PRKCZ: variants seen among roughly 807,000 people sequenced by gnomAD.
PRKCZ encodes protein kinase C zeta type.
A neutral mutation model predicts 79.5 loss-of-function variants in PRKCZ; 33 were observed. That is an observed-to-expected ratio of 0.41 (90% CI 0.31 to 0.55). The LOEUF (loss-of-function observed/expected upper bound fraction) is 0.55. PRKCZ is among the 20% of genes least tolerant of loss of function. The pLI is 0.19. For missense variants in PRKCZ, 578 were observed against 813.5 expected (o/e 0.71, Z 3.52); for synonymous variants, 342 against 320.9 (o/e 1.07, Z -0.70).
At chr1:2,084,356 T>C (rs1195854080) in intron 4 of PRKCZ, among the ~76,000 whole-genome samples, 22 of 152,134 alleles carry the variant, frequency 1.4e-4, no homozygotes, top group Admixed American at 1.4e-3. Context: ...AGGGCGAGTG[T>C]GAAGAAGGCA....
chr1:2,109,878 C>G (rs944761821), intron 4 of PRKCZ, among the ~76,000 whole-genome samples: 1 of 152,186 alleles, frequency 6.6e-6, no homozygotes, highest in African/African-American at 2.4e-5. Context: ...AGGGCCAGGG[C>G]AGTGGGGTGG....
chr1:2,073,546 G>T (rs764245275), intron 4 of PRKCZ: 4 of 865,422 alleles, frequency 4.6e-6, no homozygotes, highest in South Asian at 5.3e-5. Flanking sequence ...TCCGAGCCCT[G>T]CCTGGGTCTG....
chr1:2,093,401 C>T (rs1053969917), intron 4 of PRKCZ, among the ~76,000 whole-genome samples: 4 of 152,142 alleles, frequency 2.6e-5, no homozygotes, highest in African/African-American at 4.8e-5. Context: ...GGGGTGCTTG[C>T]CTTTTTCTGC....
rs7526092 is a variant in PRKCZ, at chr1:2,100,585, G to A, written c.335-34677G>A. ...GGTACCTTGCAAGTTTGCACAGAAAGTGGAGCCCGTCTGTTCCTTCTGGGG... is the reference window on the plus strand; with the variant it reads ...GGTACCTTGCAAGTTTGCACAGAAAATGGAGCCCGTCTGTTCCTTCTGGGG... On this transcript the variant is annotated intron_variant, in intron 4 of 17. Coordinates refer to ENST00000378567, the MANE Select transcript of PRKCZ (RefSeq NM_002744.6). Among the ~76,000 whole-genome samples the A allele has an allele frequency of 3.2e-3, 492 of 152,362 alleles. 1 individual carries two copies. Among genetic ancestry groups the A allele is most frequent in the African/African-American group, 0.011 (466 of 41,584 alleles).
At position 2,149,036 on chromosome 1, in the gene PRKCZ, G is replaced by C; in HGVS notation, c.687+112G>C. On this transcript the variant is annotated intron_variant, in intron 8 of 17. Transcript: ENST00000378567. The surrounding 1 kb of genome is among the most constrained non-coding windows in gnomAD (Gnocchi z 4.1). Reference sequence around the variant, plus strand: ...ATGTGAAATAGACATGGTCCGGGGTGTTGCTAACTAATCTTCACGGGTGTG... The same window carrying C: ...ATGTGAAATAGACATGGTCCGGGGTCTTGCTAACTAATCTTCACGGGTGTG... 8.4e-7 allele frequency: 1 copy of C among 1,187,808 alleles called. No homozygotes were observed. Among genetic ancestry groups the C allele is most frequent in the Non-Finnish European group, 1.2e-6 (1 of 815,398 alleles). The allele number at this position is 1,187,808 out of a possible 1,614,324, so 73.6% of individuals were successfully genotyped here.
intron 1 of PRKCZ, among the ~76,000 whole-genome samples, chr1:2,053,116 T>G (rs1024794132): frequency 1.4e-5 from 1 of 73,978 alleles, no homozygotes; most frequent in African/African-American, 3.7e-5. Flanking sequence ...CAGCTCAGAC[T>G]TTTTTTTTTT....
At chr1:2,119,331 C>T (rs1319611037) in intron 4 of PRKCZ, among the ~76,000 whole-genome samples, 4 of 151,052 alleles carry the variant, frequency 2.6e-5, no homozygotes, top group Non-Finnish European at 5.9e-5. Context: ...TCTGCTGCCT[C>T]AGCCTCCTGA....
intron 4 of PRKCZ, among the ~76,000 whole-genome samples, chr1:2,087,910 A>T (rs1664814272): frequency 6.6e-6 from 1 of 152,110 alleles, no homozygotes; most frequent in Non-Finnish European, 1.5e-5. Context: ...CACTGCCTGC[A>T]CCCGGGGAGG....
chr1:2,060,872 C>A (rs1660612537), intron 4 of PRKCZ, among the ~76,000 whole-genome samples: 1 of 152,184 alleles, frequency 6.6e-6, no homozygotes, highest in South Asian at 2.1e-4. Context: ...GGGCCCTGAT[C>A]ACCTACGCAG....
At chr1:2,050,030 C>T (rs1006797440), upstream of PRKCZ, 4 of 152,352 alleles carry the variant, frequency 2.6e-5, no homozygotes, top group Non-Finnish European at 4.4e-5. Context: ...CAGGGGACCC[C>T]TGGACGGCGG....
intron 4 of PRKCZ, among the ~76,000 whole-genome samples, chr1:2,111,102 C>T (rs1307372950): frequency 6.6e-6 from 1 of 151,880 alleles, no homozygotes. Context: ...CCTGCTGCAC[C>T]CATGGGTATT....
At chr1:2,155,301 A>C (rs1285068118) in intron 9 of PRKCZ, among the ~76,000 whole-genome samples, 1 of 151,350 alleles carries the variant, frequency 6.6e-6, no homozygotes, top group Non-Finnish European at 1.5e-5. Flanking sequence ...AGTGGTGATG[A>C]CAATGGTGGT....
At chr1:2,182,973 C>T (rs1401815313) in intron 16 of PRKCZ, 1 of 152,312 alleles carries the variant, frequency 6.6e-6, no homozygotes, top group Non-Finnish European at 1.5e-5. Context: ...CGCCTGTAAT[C>T]CCAGCACTTT....
intron 4 of PRKCZ, among the ~76,000 whole-genome samples, chr1:2,076,694 A>AT (rs1662480286): frequency 6.6e-6 from 1 of 151,078 alleles, no homozygotes; most frequent in Non-Finnish European, 1.5e-5. Flanking sequence ...GTGAGTCAAG[A>AT]TTGCGCCACC....
In PRKCZ at chr1:2,175,208, G is replaced by C. The variant is rs1015122924; in HGVS notation, c.1486-16G>C. On this transcript the variant is annotated splice_polypyrimidine_tract_variant and intron_variant, in intron 15 of 17. Transcript: ENST00000378567. ...GGATGGGGCTGACTTGTCCTTGTTT[G>C]AACTCTGACCTCCAGGACCCCAAAG... The C allele has an allele frequency of 3.1e-6, 5 of 1,611,158 alleles. No individual in the cohort carries two copies. Among genetic ancestry groups the C allele is most frequent in the South Asian group, 2.2e-5 (2 of 90,996 alleles).
intron 4 of PRKCZ, among the ~76,000 whole-genome samples, chr1:2,107,643 G>A (rs373632774): frequency 2.0e-5 from 3 of 152,212 alleles, no homozygotes; most frequent in African/African-American, 7.2e-5. Flanking sequence ...TGAGCCCTGC[G>A]AGGTGCAGGC....
chr1:2,133,295 C>T (rs1675367788), intron 4 of PRKCZ, among the ~76,000 whole-genome samples: 1 of 150,330 alleles, frequency 6.7e-6, no homozygotes, highest in Non-Finnish European at 1.5e-5. Flanking sequence ...GACCGCCCTG[C>T]GGCTCCGCCC....
intron 6 of PRKCZ, chr1:2,144,805 G>A (rs190186766): frequency 1.1e-4 from 26 of 232,716 alleles, no homozygotes; most frequent in Admixed American, 4.3e-4. Context: ...CCATCCCCGA[G>A]TGCTTGGACT....
At position 2,173,944 on chromosome 1, in the gene PRKCZ, A is replaced by G. The variant is rs775342510; in HGVS notation, c.1333A>G (p.Met445Val). 3 of 1,612,648 alleles carry G rather than the reference A, an allele frequency of 1.9e-6. No individual in the cohort carries two copies. Among genetic ancestry groups the G allele is most frequent in the East Asian group, 2.2e-5 (1 of 44,738 alleles). Residue 445 changes from methionine (M) to valine (V), a missense_variant, in exon 14 of 18, where the codon ATG (methionine) becomes GTG (valine). Around this residue, in one of 4 missense-constraint regions of PRKCZ, gnomAD observed 243 missense variants for 467.0 expected, o/e 0.52. Transcript: ENST00000378567. This position sits in a 1 kb window ranked among gnomAD's most constrained non-coding sequence, Gnocchi z 5.7. The part of the protein sequence containing the change: ...WALGVLMFEM[M>V]AGRSPFDIIT... ...GCTGGGAGTCCTCATGTTTGAGATGATGGCCGGGCGCTCCCCGTTCGACAT... is the reference window on the plus strand; with the variant it reads ...GCTGGGAGTCCTCATGTTTGAGATGGTGGCCGGGCGCTCCCCGTTCGACAT...
Sources: gnomAD v4.1 joint callset for allele counts (sites outside exome capture counted in the v4.1 genomes callset) on GRCh38, gnomAD v4.1.1 for gene constraint, gnomAD v4.1.1 regional missense constraint, Gnocchi (gnomAD v3.1) non-coding constraint, MANE v1.5 for transcripts, NCBI Gene and HGNC (gene_info 2026-07-23, HGNC 2026-07-21) for gene names.